The following CACNA2D3 variants were observed in gnomAD, a reference collection of about 807,000 sequenced individuals.
CACNA2D3 encodes calcium voltage-gated channel auxiliary subunit alpha2delta 3, also known as voltage-dependent calcium channel subunit alpha-2/delta-3.
CACNA2D3 carries 60 observed loss-of-function variants against 160.6 expected under a neutral mutation model. That is an observed-to-expected ratio of 0.37 (90% CI 0.30 to 0.46). CACNA2D3 has a LOEUF of 0.46. Ranked by LOEUF, CACNA2D3 falls within the 20% of genes least tolerant of loss-of-function variation. The pLI, the probability that CACNA2D3 is intolerant of heterozygous loss-of-function variation, is 1.00. For synonymous variants in CACNA2D3, 558 were observed against 492.9 expected, an observed-to-expected ratio of 1.13 and a Z score of -1.75; for missense variants, 1,205 against 1,365.0, an observed-to-expected ratio of 0.88 and a Z score of 1.85.
In CACNA2D3 at chr3:54,286,580, G is replaced by A. The variant is rs148601786; in HGVS notation, c.205-33862G>A. ...TTCAGATTCAGGAAATACAGAGAAC[G>A]CCACAAAGATATTCCTCGAGAAGAG... On this transcript the variant is annotated intron_variant, in intron 2 of 37. Coordinates refer to ENST00000474759, the MANE Select transcript of CACNA2D3 (RefSeq NM_018398.3). Among the ~76,000 whole-genome samples, 574 of 152,152 alleles carry A rather than the reference G, an allele frequency of 3.8e-3. 4 individuals carry two copies. Among genetic ancestry groups the A allele is most frequent in the Middle Eastern group, 0.02 (6 of 294 alleles).
intron 2 of CACNA2D3, among the ~76,000 whole-genome samples, chr3:54,175,308 G>A (rs1048479335): frequency 1.3e-5 from 2 of 152,122 alleles, no homozygotes; most frequent in Non-Finnish European, 2.9e-5. Flanking sequence ...GATTTGCTGA[G>A]AAATTAACTC....
chr3:54,533,794 AGTGT>A (rs61234075), intron 5 of CACNA2D3, among the ~76,000 whole-genome samples: 40,292 of 149,550 alleles, frequency 0.27, 5,929 homozygotes, highest in Middle Eastern at 0.38. Context: ...AATGGAAAAT[AGTGT>A]GTGTGTGTGT....
intron 13 of CACNA2D3, among the ~76,000 whole-genome samples, chr3:54,773,381 T>C (rs1316074296): frequency 6.6e-6 from 1 of 152,128 alleles, no homozygotes; most frequent in Non-Finnish European, 1.5e-5. Context: ...TCAAAGAAGT[T>C]CCAATCGTCA....
rs373580991 is a variant in CACNA2D3 at position 54,485,566 on chromosome 3, C to T, written c.382-17926C>T. ...ACCCTCCATAGCATAGTATAATAGACACTTTTTTTTTTTTTTTGAGACAGA... is the reference window on the plus strand; with the variant it reads ...ACCCTCCATAGCATAGTATAATAGATACTTTTTTTTTTTTTTTGAGACAGA... On this transcript the variant is annotated intron_variant, in intron 4 of 37. Coordinates refer to ENST00000474759, the MANE Select transcript of CACNA2D3 (RefSeq NM_018398.3). 7.4e-4 allele frequency among the ~76,000 whole-genome samples: 111 copies of T among 150,192 alleles called. 1 individual carries two copies. The East Asian group carries it at 0.017, about 23-fold the overall frequency.
chr3:54,826,719 ATAAT>A (rs530300127), intron 14 of CACNA2D3, among the ~76,000 whole-genome samples: 14 of 152,308 alleles, frequency 9.2e-5, no homozygotes, highest in African/African-American at 2.9e-4. Flanking sequence ...ATTTATGATC[ATAAT>A]TAATTATAAT....
chr3:54,856,777 C>T (rs1168698), intron 17 of CACNA2D3, among the ~76,000 whole-genome samples: 120,104 of 152,058 alleles, frequency 0.79, 47,653 homozygotes, highest in Admixed American at 0.84. Flanking sequence ...ATGGTTTTTT[C>T]GTTTGTTTGT....
chr3:54,307,482 T>C (rs1703638561), intron 2 of CACNA2D3, among the ~76,000 whole-genome samples: 1 of 152,256 alleles, frequency 6.6e-6, no homozygotes, highest in Non-Finnish European at 1.5e-5. Context: ...GCCTCTGATA[T>C]TGGCAGTAGG....
chr3:54,673,683 G>C (rs201909037), intron 11 of CACNA2D3, among the ~76,000 whole-genome samples: 2 of 152,202 alleles, frequency 1.3e-5, no homozygotes. Flanking sequence ...AATATCAAAG[G>C]TAATATCTGG....
intron 2 of CACNA2D3, among the ~76,000 whole-genome samples, chr3:54,261,683 C>A (rs1702402152): frequency 6.6e-6 from 1 of 152,180 alleles, no homozygotes. Context: ...GTCTTTCACA[C>A]CCTTAGCATT....
intron 3 of CACNA2D3, among the ~76,000 whole-genome samples, chr3:54,364,953 C>T (rs995249729): frequency 2.6e-4 from 39 of 152,196 alleles, no homozygotes; most frequent in African/African-American, 8.4e-4. Context: ...CATGCATTCT[C>T]ATTATTTTCC....
intron 27 of CACNA2D3, among the ~76,000 whole-genome samples, chr3:54,964,683 AAT>A (rs1406991935): frequency 6.6e-5 from 10 of 152,194 alleles, no homozygotes; most frequent in Non-Finnish European, 1.3e-4. Context: ...AACTAAGGAA[AAT>A]AGTGAAAGGA....
chr3:55,037,360 A>T (rs927466742), intron 35 of CACNA2D3, among the ~76,000 whole-genome samples: 3 of 152,168 alleles, frequency 2.0e-5, no homozygotes, highest in African/African-American at 7.2e-5. Context: ...CTTATGGAAA[A>T]TGAGTGGCAG....
rs568746904 is a variant in CACNA2D3 at position 54,812,350 on chromosome 3, A to G, written c.1381-4503A>G. On this transcript the variant is annotated intron_variant, in intron 13 of 37. Transcript: ENST00000474759. ...GTATGTGGTACTAGGAAGGCCTGCG[A>G]AAAGAGCATATGACAAGAGAGGGTA... Among the ~76,000 whole-genome samples the G allele has an allele frequency of 3.3e-5, 5 of 152,326 alleles. No homozygotes were observed. The South Asian group carries it at 1.0e-3, about 32-fold the overall frequency.
chr3:54,820,748 T>G (rs1703571706), intron 14 of CACNA2D3, among the ~76,000 whole-genome samples: 1 of 152,178 alleles, frequency 6.6e-6, no homozygotes, highest in South Asian at 2.1e-4. Flanking sequence ...AAGGTCTGCT[T>G]TTTAAAAATT....
chr3:55,013,118 T>C (rs1030178937), intron 34 of CACNA2D3, among the ~76,000 whole-genome samples: 1 of 152,202 alleles, frequency 6.6e-6, no homozygotes, highest in African/African-American at 2.4e-5. Flanking sequence ...AATTGCATCA[T>C]TGATGCATGG....
At chr3:54,383,913 ATGTTT>A (rs1452681671) in intron 3 of CACNA2D3, among the ~76,000 whole-genome samples, 7 of 152,088 alleles carry the variant, frequency 4.6e-5, no homozygotes, top group Non-Finnish European at 1.0e-4. Context: ...AATATACTTT[ATGTTT>A]TGTTATATAG....
chr3:55,063,192 G>A (rs773191987), intron 35 of CACNA2D3, among the ~76,000 whole-genome samples: 2 of 152,070 alleles, frequency 1.3e-5, no homozygotes, highest in Middle Eastern at 3.2e-3. Flanking sequence ...GCTGGTCCCC[G>A]AACCAGCAGC....
intron 2 of CACNA2D3, among the ~76,000 whole-genome samples, chr3:54,191,804 G>C: frequency 6.6e-6 from 1 of 152,154 alleles, no homozygotes; most frequent in East Asian, 1.9e-4. Flanking sequence ...TACCTGCGCA[G>C]GGCTGCCGTG....
At chr3:54,468,280 G>C (rs1394214518) in intron 4 of CACNA2D3, among the ~76,000 whole-genome samples, 2 of 152,048 alleles carry the variant, frequency 1.3e-5, no homozygotes, top group Admixed American at 6.5e-5. Flanking sequence ...GCCCGTGGAG[G>C]GTGAGCTGAA....
Sources: allele counts gnomAD v4.1 joint callset (sites outside exome capture counted in the v4.1 genomes callset), GRCh38; gene constraint gnomAD v4.1.1; transcripts MANE v1.5; gene names NCBI Gene and HGNC (gene_info 2026-07-23, HGNC 2026-07-21).